Variants in LRRIQ1 observed in about 807,000 individuals in gnomAD.
LRRIQ1 encodes leucine-rich repeat- and IQ domain-containing protein 1.
In LRRIQ1, 210 loss-of-function variants were observed where a neutral mutation model predicts 211.9. The ratio of observed to expected loss-of-function variants is 0.99; its 90% CI spans 0.89 to 1.11. The LOEUF (loss-of-function observed/expected upper bound fraction) is 1.11. LRRIQ1 is among the 50% of genes most tolerant of loss of function. The pLI, the probability that LRRIQ1 is intolerant of heterozygous loss-of-function variation, is 0.00. For missense variants in LRRIQ1, 2,136 were observed against 1,939.5 expected, an observed-to-expected ratio of 1.10 and a Z score of -1.90; for synonymous variants, 699 against 650.1, an observed-to-expected ratio of 1.08 and a Z score of -1.14.
At chr12:85,146,938 A>G (rs753101102) in intron 19 of LRRIQ1, among the ~76,000 whole-genome samples, 3 of 151,758 alleles carry the variant, frequency 2.0e-5, no homozygotes, top group Non-Finnish European at 4.4e-5. Flanking sequence ...ATTACCTTCC[A>G]TGCATTTTTC....
At chr12:85,064,158 G>A (rs1357626995) in intron 8 of LRRIQ1, among the ~76,000 whole-genome samples, 2 of 151,710 alleles carry the variant, frequency 1.3e-5, no homozygotes, top group Non-Finnish European at 2.9e-5. Context: ...CAGTGTAAGA[G>A]GTTCCCTTTT....
At chr12:85,141,910 A>G (rs1889573437) in intron 19 of LRRIQ1, among the ~76,000 whole-genome samples, 1 of 131,436 alleles carries the variant, frequency 7.6e-6, no homozygotes, top group Non-Finnish European at 1.6e-5. Context: ...ATTGAGTTTT[A>G]TTTTTTCGTG....
At chr12:85,175,378 A>G (rs928807455) in intron 24 of LRRIQ1, among the ~76,000 whole-genome samples, 2 of 152,196 alleles carry the variant, frequency 1.3e-5, no homozygotes, top group African/African-American at 4.8e-5. Context: ...TATATTTGCT[A>G]TCAATACATT....
At chr12:85,146,689 C>A (rs541620945) in intron 19 of LRRIQ1, among the ~76,000 whole-genome samples, 1 of 151,896 alleles carries the variant, frequency 6.6e-6, no homozygotes, top group South Asian at 2.1e-4. Context: ...TATAACTTCA[C>A]CATTTTTCTA....
In LRRIQ1 at chr12:85,090,770, T is replaced by C. The variant is rs2136226928; in HGVS notation, c.2888-7585T>C. On this transcript the variant is annotated intron_variant, in intron 11 of 26. Transcript: ENST00000393217. ...TATCTCAGATGAGACTTTGGACTTT[T>C]GAGTTAATTCTGAAATGAGTTAAGA... 2.0e-5 allele frequency among the ~76,000 whole-genome samples: 3 copies of C among 152,292 alleles called. No homozygotes were observed. In the South Asian group the frequency reaches 6.2e-4, roughly 32 times the overall value.
At chr12:85,140,641 T>C (rs967096243) in intron 19 of LRRIQ1, among the ~76,000 whole-genome samples, 1 of 151,252 alleles carries the variant, frequency 6.6e-6, no homozygotes, top group African/African-American at 2.4e-5. Context: ...ATAGTGATGA[T>C]ATTAGCAAGC....
At chr12:85,176,598 G>C (rs1313658236) in intron 24 of LRRIQ1, among the ~76,000 whole-genome samples, 2 of 117,796 alleles carry the variant, frequency 1.7e-5, no homozygotes, top group African/African-American at 3.2e-5. Flanking sequence ...GTTGTGGGGT[G>C]GGGGGAGGGG....
intron 24 of LRRIQ1, among the ~76,000 whole-genome samples, chr12:85,163,757 T>C (rs4761121): frequency 6.6e-6 from 1 of 152,180 alleles, no homozygotes; most frequent in Admixed American, 6.5e-5. Context: ...ATATTAAATA[T>C]CAAATTATAT....
At chr12:85,227,693 A>G (rs1894730468) in intron 24 of LRRIQ1, among the ~76,000 whole-genome samples, 1 of 152,178 alleles carries the variant, frequency 6.6e-6, no homozygotes, top group South Asian at 2.1e-4. Flanking sequence ...TATGGAACCA[A>G]AAAAGAGCCC....
intron 24 of LRRIQ1, among the ~76,000 whole-genome samples, chr12:85,168,585 T>TG (rs1333822313): frequency 6.6e-6 from 1 of 152,122 alleles, no homozygotes; most frequent in Non-Finnish European, 1.5e-5. Flanking sequence ...ATTTTGCTAG[T>TG]GGGTCACTAG....
chr12:85,153,212 G>A, intron 21 of LRRIQ1, 67 bp downstream of exon 21: 1 of 1,358,432 alleles, frequency 7.4e-7, no homozygotes, highest in Non-Finnish European at 1.0e-6. Flanking sequence ...TCATACAAAA[G>A]TAGTACAATT....
intron 8 of LRRIQ1, among the ~76,000 whole-genome samples, chr12:85,064,412 C>T (rs987770837): frequency 2.6e-5 from 4 of 151,536 alleles, no homozygotes; most frequent in East Asian, 1.9e-4. Flanking sequence ...TTATATATTC[C>T]GGTTACTAAT....
intron 24 of LRRIQ1, among the ~76,000 whole-genome samples, chr12:85,223,648 T>C (rs1257612889): frequency 6.6e-6 from 1 of 152,126 alleles, no homozygotes; most frequent in Non-Finnish European, 1.5e-5. Context: ...GGGGCAAATA[T>C]ATAAATCTAT....
chr12:85,072,235 A>G (rs1883161692), intron 10 of LRRIQ1, among the ~76,000 whole-genome samples: 1 of 151,278 alleles, frequency 6.6e-6, no homozygotes, highest in African/African-American at 2.4e-5. Flanking sequence ...TAGAAAGGTC[A>G]TTTTTTTTGG....
In LRRIQ1 at chr12:85,057,202, A is replaced by G; in HGVS notation, c.2391+18A>G. ...TACAGCAGGTATTTCTAATTTTATA[A>G]TAATTTTTCACATTTAATTACAATT... On this transcript the variant is annotated intron_variant, in intron 8 of 26. Coordinates refer to ENST00000393217, the MANE Select transcript of LRRIQ1 (RefSeq NM_001079910.2). 1 of 1,369,842 alleles carries G rather than the reference A, an allele frequency of 7.3e-7. No individual in the cohort carries two copies. Among genetic ancestry groups the G allele is most frequent in the East Asian group, 2.5e-5 (1 of 40,052 alleles). The allele number at this position is 1,369,842 out of a possible 1,614,324, so 84.9% of individuals were successfully genotyped here.
chr12:85,099,065 C>T lies in LRRIQ1; in HGVS notation c.3209+71C>T, dbSNP rs547242054. ...ATAAATATGTGATGTTCATAAACTA[C>T]CATAAAAGTTAGATTTCTCTAATAA... On this transcript the variant is annotated intron_variant, in intron 13 of 26. Transcript: ENST00000393217. The T allele has an allele frequency of 9.2e-4, 949 of 1,034,938 alleles. 2 individuals are homozygous for T. Among genetic ancestry groups the T allele is most frequent in the Admixed American group, 1.4e-3 (47 of 34,086 alleles). The allele number at this position is 1,034,938 out of a possible 1,614,324, so 64.1% of individuals were successfully genotyped here.
intron 18 of LRRIQ1, among the ~76,000 whole-genome samples, chr12:85,137,196 T>A (rs962435229): frequency 6.6e-6 from 1 of 151,252 alleles, no homozygotes; most frequent in Non-Finnish European, 1.5e-5. Flanking sequence ...ATTTCTCCCT[T>A]GGTTTTTACA....
chr12:85,056,251 C>T lies in LRRIQ1; in HGVS notation c.1458C>T (p.Asn486=). ...TTAAAATGGAAGAAAAAAATGAAAA[C>T]CTAGCAAAAAAACGATGTTCAGAAG... ...ADFKMEEKNE[N]LAKKRCSEEL... is the part of the protein sequence containing the mutation. Residue 486 remains asparagine, a synonymous_variant, in exon 8 of 27, where the codon AAC becomes AAT. Coordinates refer to ENST00000393217, the MANE Select transcript of LRRIQ1 (RefSeq NM_001079910.2). 6.4e-7 allele frequency: 1 copy of T among 1,569,070 alleles called. No homozygotes were observed. Among genetic ancestry groups the T allele is most frequent in the African/African-American group, 1.4e-5 (1 of 71,946 alleles).
chr12:85,161,760 T>C (rs1419863276), intron 24 of LRRIQ1, among the ~76,000 whole-genome samples: 2 of 151,968 alleles, frequency 1.3e-5, no homozygotes, highest in Admixed American at 1.3e-4. Flanking sequence ...ATAGCAATAG[T>C]CTGGGCGTGA....
Sources: gnomAD v4.1 joint callset for allele counts (sites outside exome capture counted in the v4.1 genomes callset) on GRCh38, gnomAD v4.1.1 for gene constraint, MANE v1.5 for transcripts, NCBI Gene and HGNC (gene_info 2026-07-23, HGNC 2026-07-21) for gene names.